The following DNMBP variants were observed in gnomAD, a reference collection of about 807,000 sequenced individuals.
The protein encoded by DNMBP is dynamin-binding protein.
In DNMBP, 87 loss-of-function variants were observed where a neutral mutation model predicts 150.0. That is an observed-to-expected ratio of 0.58 (90% CI 0.49 to 0.69). DNMBP has a LOEUF of 0.69. DNMBP is among the 30% of genes least tolerant of loss of function. The probability of loss-of-function intolerance (pLI) is 0.00; values close to 1 mark genes in which losing one functional copy is unlikely to be tolerated. For missense variants in DNMBP, 1,774 were observed against 1,949.0 expected (o/e 0.91, Z 1.69); for synonymous variants, 711 against 750.4 (o/e 0.95, Z 0.86).
intron 4 of DNMBP, among the ~76,000 whole-genome samples, chr10:99,923,281 C>G (rs1010628783): frequency 6.6e-6 from 1 of 152,052 alleles, no homozygotes; most frequent in African/African-American, 2.4e-5. Flanking sequence ...CTCAGCTACT[C>G]GGGAGGCTGA....
At chr10:99,903,729 A>G (rs912055446) in intron 6 of DNMBP, among the ~76,000 whole-genome samples, 1 of 152,128 alleles carries the variant, frequency 6.6e-6, no homozygotes, top group African/African-American at 2.4e-5. Context: ...CCCTTTCCCT[A>G]GTTGCATTCT....
At chr10:100,004,277 G>A (rs941952475) in intron 1 of DNMBP, among the ~76,000 whole-genome samples, 11 of 150,648 alleles carry the variant, frequency 7.3e-5, no homozygotes, top group Non-Finnish European at 1.3e-4. Flanking sequence ...AAATATATAT[G>A]TATATATAAT....
intron 12 of DNMBP, among the ~76,000 whole-genome samples, chr10:99,888,098 G>GT (rs2039498272): frequency 6.6e-6 from 1 of 152,020 alleles, no homozygotes; most frequent in Non-Finnish European, 1.5e-5. Flanking sequence ...GCTGGGATTA[G>GT]AGGCGTGAGC....
chr10:99,958,583 C>A (rs1042693919), intron 3 of DNMBP, among the ~76,000 whole-genome samples: 5 of 152,322 alleles, frequency 3.3e-5, no homozygotes, highest in Admixed American at 1.3e-4. Context: ...AAAATTCCAA[C>A]TTCCAAGAGA....
At chr10:99,928,393 C>T (rs963026825) in intron 4 of DNMBP, among the ~76,000 whole-genome samples, 15 of 152,156 alleles carry the variant, frequency 9.9e-5, no homozygotes, top group African/African-American at 3.6e-4. Flanking sequence ...TTTTTCAGAT[C>T]ATTCACATTC....
chr10:99,982,778 C>T (rs926179636), intron 1 of DNMBP, among the ~76,000 whole-genome samples: 18 of 152,040 alleles, frequency 1.2e-4, no homozygotes, highest in African/African-American at 4.1e-4. Context: ...CATGGCAAAA[C>T]CCTGTCTCTA....
At chr10:99,968,971 A>G in intron 3 of DNMBP, 144 bp downstream of exon 3, 1 of 834,602 alleles carries the variant, frequency 1.2e-6, no homozygotes, top group East Asian at 2.6e-5. Context: ...ACTATAAGGC[A>G]TCATTACGTC....
intron 4 of DNMBP, among the ~76,000 whole-genome samples, chr10:99,915,106 A>ATATATATATATATAT (rs57930336): frequency 3.6e-4 from 37 of 102,698 alleles, no homozygotes; most frequent in African/African-American, 1.7e-3. Flanking sequence ...AAAAAAAAAA[A>ATATATATATATATAT]AAATATATAT....
intron 4 of DNMBP, among the ~76,000 whole-genome samples, chr10:99,918,014 AAAT>A (rs1342197890): frequency 6.6e-6 from 1 of 151,600 alleles, no homozygotes; most frequent in Non-Finnish European, 1.5e-5. Flanking sequence ...AACATTGTTG[AAAT>A]AATATGCAAA....
At chr10:99,950,057 T>C (rs2133319872) in intron 4 of DNMBP, among the ~76,000 whole-genome samples, 1 of 152,262 alleles carries the variant, frequency 6.6e-6, no homozygotes, top group East Asian at 1.9e-4. Context: ...AATTCCTACG[T>C]GTTGTGGGAG....
At chr10:99,947,892 G>A (rs1183363922) in intron 4 of DNMBP, among the ~76,000 whole-genome samples, 6 of 152,080 alleles carry the variant, frequency 3.9e-5, no homozygotes, top group African/African-American at 7.2e-5. Context: ...CTATAGGTGT[G>A]TAAGATATTA....
rs755292801 is a variant in DNMBP, at chr10:99,955,496, G to A, written c.1978C>T (p.Pro660Ser). Residue 660 changes from proline to serine, a missense_variant, in exon 4 of 17, where the codon CCC (proline) becomes TCC (serine). Coordinates refer to ENST00000324109, the MANE Select transcript of DNMBP (RefSeq NM_015221.4). The part of the protein sequence containing the change: ...SAQQRTNAVS[P>S]KLLSRHRPTC... ...GGACGGTGTCGAGATAGGAGCTTGGGGGATACCGCATTCGTTCTCTGCTGT... is the reference window on the plus strand; with the variant it reads ...GGACGGTGTCGAGATAGGAGCTTGGAGGATACCGCATTCGTTCTCTGCTGT... 2 of 1,600,266 alleles carry A rather than the reference G, an allele frequency of 1.2e-6. No homozygotes were observed. Among genetic ancestry groups the A allele is most frequent in the African/African-American group, 1.3e-5 (1 of 74,288 alleles).
rs2039285889 is a variant in DNMBP, at chr10:99,877,091, C to T, written c.*60G>A. ...GAGCAGGCGCCCTCTCGGTGGGCCGCCAGAACCCTCGGCGGACTGAAAGCA... is the reference window on the plus strand; with the variant it reads ...GAGCAGGCGCCCTCTCGGTGGGCCGTCAGAACCCTCGGCGGACTGAAAGCA... On this transcript the variant is annotated 3_prime_UTR_variant, in exon 17 of 17. Transcript: ENST00000324109. The T allele has an allele frequency of 1.3e-6, 2 of 1,485,768 alleles. No individual in the cohort carries two copies. The highest frequency in any genetic ancestry group is 9.0e-7 in the Non-Finnish European group (1 of 1,110,296). The allele number at this position is 1,485,768 out of a possible 1,614,324, so 92.0% of individuals were successfully genotyped here. A position where few individuals can be genotyped will look rare whatever the true frequency, so the allele number is the denominator to read the frequency against.
At chr10:99,974,769 G>A (rs1308938993) in intron 1 of DNMBP, among the ~76,000 whole-genome samples, 2 of 151,694 alleles carry the variant, frequency 1.3e-5, no homozygotes, top group East Asian at 3.9e-4. Flanking sequence ...GGTAGTGGTA[G>A]CTCTGTTAAT....
intron 4 of DNMBP, chr10:99,927,143 T>C (rs2040089092): frequency 6.6e-6 from 1 of 151,974 alleles, no homozygotes; most frequent in Non-Finnish European, 1.5e-5. Context: ...CTGTCTCAGA[T>C]GGAGGAGGGG....
At chr10:99,898,516 G>A in intron 8 of DNMBP, 3 of 661,360 alleles carry the variant, frequency 4.5e-6, no homozygotes, top group Non-Finnish European at 2.6e-6. Context: ...TCTAGGTGCT[G>A]GGGATTTAAT....
chr10:99,955,595 C>A lies in DNMBP; in HGVS notation c.1879G>T (p.Val627Phe). Residue 627 changes from valine to phenylalanine, a missense_variant, in exon 4 of 17, where the codon GTT becomes TTT. By Grantham distance (50) the Val-to-Phe change is conservative. Around this residue, in one of 2 missense-constraint regions of DNMBP, gnomAD observed 1,430 missense variants for 1,492.5 expected, o/e 0.96. Coordinates refer to ENST00000324109, the MANE Select transcript of DNMBP (RefSeq NM_015221.4). ...GGTGCAGGTTTTAGGTTCTGGTCAA[C>A]CAGCAAATGGGGAGAAGTGGATACC... Reference protein sequence around the residue: ...TPVSTSPHLLVDQNLKPAPPL... With the variant: ...TPVSTSPHLLFDQNLKPAPPL... The A allele has an allele frequency of 6.2e-7, 1 of 1,613,306 alleles. No homozygotes were observed. The highest frequency in any genetic ancestry group is 8.5e-7 in the Non-Finnish European group (1 of 1,179,506).
rs114515448 is a variant in DNMBP, at chr10:99,978,227, C to T, written c.-10-6093G>A. Among the ~76,000 whole-genome samples the T allele has an allele frequency of 8.5e-3, 1,287 of 152,252 alleles. 17 individuals carry two copies. The highest frequency in any genetic ancestry group is 0.044 in the Middle Eastern group (13 of 294). The stretch of plus-strand genomic sequence containing the variant: ...CAGGCCTGTTTGATTCCCATGCCCA[C>T]GTTCTTTTTATGGCAAACATCACTT... On this transcript the variant is annotated intron_variant, in intron 1 of 16. Coordinates refer to ENST00000324109, the MANE Select transcript of DNMBP (RefSeq NM_015221.4).
At chr10:99,891,330 C>G (rs1013466515) in intron 11 of DNMBP, among the ~76,000 whole-genome samples, 1 of 149,974 alleles carries the variant, frequency 6.7e-6, no homozygotes, top group African/African-American at 2.5e-5. Context: ...ATTGCAGGCA[C>G]GCGCCACCAC....
Sources: gnomAD v4.1 joint callset for allele counts (sites outside exome capture counted in the v4.1 genomes callset) on GRCh38, gnomAD v4.1.1 for gene constraint, gnomAD v4.1.1 regional missense constraint, MANE v1.5 for transcripts, NCBI Gene and HGNC (gene_info 2026-07-23, HGNC 2026-07-21) for gene names.